The following ZNF891 variants were observed in gnomAD, a reference collection of about 807,000 sequenced individuals.
The protein encoded by ZNF891 is zinc finger protein 891, also known as hCG1646157.
For synonymous variants in ZNF891, 199 were observed against 209.0 expected, an observed-to-expected ratio of 0.95 and a Z score of 0.41; for missense variants, 589 against 632.7, an observed-to-expected ratio of 0.93 and a Z score of 0.74.
chr12:133,106,088 AAAC>A lies in ZNF891; in HGVS notation c.*14193_*14195del, dbSNP rs1566325777. The stretch of plus-strand genomic sequence containing the variant: ...ACATCAAAGAATTCACATAGGAAAG[AAAC>A]AATATATATGTAGGAAATGTGGTAA... On this transcript the variant is annotated 3_prime_UTR_variant, in exon 2 of 2. Transcript: ENST00000537226. 2.5e-6 allele frequency: 4 copies of A among 1,614,162 alleles called. No homozygotes were observed. The South Asian group carries it at 4.4e-5, about 18-fold the overall frequency.
chr12:133,126,125 T>G (rs963395345), intron 1 of ZNF891, among the ~76,000 whole-genome samples: 8 of 152,034 alleles, frequency 5.3e-5, no homozygotes, highest in African/African-American at 1.9e-4. Context: ...ACTCTATGGA[T>G]TTTTTTTAAT....
intron 1 of ZNF891, chr12:133,125,870 C>G (rs1261832596): frequency 1.0e-5 from 5 of 501,920 alleles, no homozygotes; most frequent in Non-Finnish European, 2.0e-5. Context: ...CTTGATCAGG[C>G]CTGATGGAGA....
In ZNF891 at chr12:133,117,645, A is replaced by G. The variant is rs1373568744; in HGVS notation, c.*2639T>C. On this transcript the variant is annotated 3_prime_UTR_variant, in exon 2 of 2. Transcript: ENST00000537226. ...TAAACCTCACCATACTACATTCATC[A>G]CATTAGAATTCAAACATGTTCTAGT... The G allele has an allele frequency of 6.6e-6, 1 of 152,222 alleles. No homozygotes were observed. Among genetic ancestry groups the G allele is most frequent in the Admixed American group, 6.5e-5 (1 of 15,278 alleles). 9.4% of individuals were successfully genotyped at this position (152,222 alleles called of 1,614,324 possible).
At position 133,110,124 on chromosome 12, in the gene ZNF891, TCAGA is replaced by T. The variant is rs1223218990; in HGVS notation, c.*10156_*10159del. ...GAATATTTATTTACTCTCAGGACCT[TCAGA>T]CAAAGTTTGTCAACTCTGATATAAA... On this transcript the variant is annotated 3_prime_UTR_variant, in exon 2 of 2. Coordinates refer to ENST00000537226, the MANE Select transcript of ZNF891 (RefSeq NM_001277291.2). The T allele has an allele frequency of 8.5e-5, 13 of 152,336 alleles. No homozygotes were observed. Among genetic ancestry groups the T allele is most frequent in the East Asian group, 5.8e-4 (3 of 5,194 alleles). The allele number at this position is 152,336 out of a possible 1,614,324, so 9.4% of individuals were successfully genotyped here. A position where few individuals can be genotyped will look rare whatever the true frequency, so the allele number is the denominator to read the frequency against.
At position 133,120,181 on chromosome 12, in the gene ZNF891, C is replaced by A; in HGVS notation, c.*103G>T. On this transcript the variant is annotated 3_prime_UTR_variant, in exon 2 of 2. Transcript: ENST00000537226. ...AGAAAATGTTATATTAAAAAAAGAG[C>A]CATTTGTAACCTTAAATCGTTCTTT... 1.1e-6 allele frequency: 1 copy of A among 876,866 alleles called. No individual in the cohort carries two copies. The highest frequency in any genetic ancestry group is 1.6e-6 in the Non-Finnish European group (1 of 612,662). The allele number at this position is 876,866 out of a possible 1,614,324, so 54.3% of individuals were successfully genotyped here. A position where few individuals can be genotyped will look rare whatever the true frequency, so the allele number is the denominator to read the frequency against.
Position 133,113,049 on chromosome 12 carries a change from ACT to A in ZNF891, c.*7233_*7234del, listed in dbSNP as rs1018167958. The A allele has an allele frequency of 1.3e-5, 2 of 148,442 alleles. No homozygotes were observed. The highest frequency in any genetic ancestry group is 5.0e-5 in the African/African-American group (2 of 40,126). 9.2% of individuals were successfully genotyped at this position (148,442 alleles called of 1,614,324 possible). ...ACTACAGCCTGGGCGACAGAGCAAG[ACT>A]CTGTCTCAAAAAATATATATATATA... On this transcript the variant is annotated 3_prime_UTR_variant, in exon 2 of 2. Transcript: ENST00000537226.
In ZNF891 at chr12:133,118,949, T is replaced by C. The variant is rs1566334218; in HGVS notation, c.*1335A>G. 1 of 152,162 alleles carries C rather than the reference T, an allele frequency of 6.6e-6. No homozygotes were observed. The allele number at this position is 152,162 out of a possible 1,614,324, so 9.4% of individuals were successfully genotyped here. ...AAAAATCAGTAAGAGCCAGGCATGG[T>C]AACTCATGCCTGGAATCCTAGCACT... is the stretch of plus-strand genomic sequence containing the variant. On this transcript the variant is annotated 3_prime_UTR_variant, in exon 2 of 2. Transcript: ENST00000537226.
rs1179729901 is a variant in ZNF891 at position 133,114,985 on chromosome 12, TA to T, written c.*5298del. On this transcript the variant is annotated 3_prime_UTR_variant, in exon 2 of 2. Coordinates refer to ENST00000537226, the MANE Select transcript of ZNF891 (RefSeq NM_001277291.2). ...ACAATATTATTGATTGCAGTATTGT[TA>T]TAAAAACTCTGGAGGCAAATGGATC... 2 of 152,304 alleles carry T rather than the reference TA, an allele frequency of 1.3e-5. No homozygotes were observed. The highest frequency in any genetic ancestry group is 3.9e-4 in the East Asian group (2 of 5,194). 9.4% of individuals were successfully genotyped at this position (152,304 alleles called of 1,614,324 possible). A position where few individuals can be genotyped will look rare whatever the true frequency, so the allele number is the denominator to read the frequency against.
chr12:133,128,195 A>G (rs1307976183), intron 1 of ZNF891, among the ~76,000 whole-genome samples: 4 of 152,230 alleles, frequency 2.6e-5, no homozygotes, highest in African/African-American at 9.6e-5. Context: ...AAATATTTCC[A>G]AGTGGTTGCC....
Position 133,120,574 on chromosome 12 carries a change from C to CT in ZNF891, c.1344dup (p.Val449SerfsTer3), listed in dbSNP as rs1566335304. The CT allele has an allele frequency of 1.9e-6, 3 of 1,559,322 alleles. No individual in the cohort carries two copies. The highest frequency in any genetic ancestry group is 1.9e-5 in the Admixed American group (1 of 51,888). ...TCTCCGGTATGAATTTTCTTATGAA[C>CT]TTTAAGGTGAGAGCTCGTGTTGAAG... is the stretch of plus-strand genomic sequence containing the variant. On this transcript the variant is annotated frameshift_variant, in exon 2 of 2. Transcript: ENST00000537226. LOFTEE classifies it low-confidence loss of function (END_TRUNC).
At position 133,117,687 on chromosome 12, in the gene ZNF891, A is replaced by G. The variant is rs1955723072; in HGVS notation, c.*2597T>C. On this transcript the variant is annotated 3_prime_UTR_variant, in exon 2 of 2. Coordinates refer to ENST00000537226, the MANE Select transcript of ZNF891 (RefSeq NM_001277291.2). ...TGTTCTAGTTTTTCATATTTTAAAC[A>G]TATTATCTCTTTACTCCAAATCTCT... is the stretch of plus-strand genomic sequence containing the variant. The G allele has an allele frequency of 6.6e-6, 1 of 152,212 alleles. No individual in the cohort carries two copies. The highest frequency in any genetic ancestry group is 2.1e-4 in the South Asian group (1 of 4,834). 9.4% of individuals were successfully genotyped at this position (152,212 alleles called of 1,614,324 possible). A position where few individuals can be genotyped will look rare whatever the true frequency, so the allele number is the denominator to read the frequency against.
intron 1 of ZNF891, among the ~76,000 whole-genome samples, chr12:133,124,284 G>A (rs1053147428): frequency 3.3e-5 from 5 of 151,784 alleles, no homozygotes; most frequent in African/African-American, 1.2e-4. Context: ...CTTTCTGTTT[G>A]GAAAAAAACA....
intron 1 of ZNF891, chr12:133,125,703 C>A: frequency 3.0e-6 from 1 of 329,300 alleles, no homozygotes; most frequent in Admixed American, 3.4e-5. Context: ...GACCACCATG[C>A]TATCATCAAA....
In ZNF891 at chr12:133,120,374, G is replaced by A; in HGVS notation, c.1545C>T (p.Pro515=). The A allele has an allele frequency of 6.3e-7, 1 of 1,592,010 alleles. No homozygotes were observed. The highest frequency in any genetic ancestry group is 8.5e-7 in the Non-Finnish European group (1 of 1,170,282). ...CTTTTCCACATTGAATACATTCATA[G>A]GGTTTCTCTCCAGTGTGAATTCTCA... ...RHVRIHTGEK[P]YECIQCGKAF... The change falls in exon 2 of 2, where the codon CCC becomes CCT. Residue 515 remains proline (P), a synonymous_variant. Coordinates refer to ENST00000537226, the MANE Select transcript of ZNF891 (RefSeq NM_001277291.2).
At chr12:133,129,700 T>G (rs923892292) in intron 1 of ZNF891, among the ~76,000 whole-genome samples, 10 of 152,032 alleles carry the variant, frequency 6.6e-5, no homozygotes, top group African/African-American at 2.4e-4. Flanking sequence ...GCAAGGATAG[T>G]ACACAAAAAG....
chr12:133,116,833 A>G lies in ZNF891; in HGVS notation c.*3451T>C, dbSNP rs1955717747. ...GTTCCCTGGGAAGGAAAAAACACCTACCTGACAACAATCACATCACAAGGG... is the reference window on the plus strand; with the variant it reads ...GTTCCCTGGGAAGGAAAAAACACCTGCCTGACAACAATCACATCACAAGGG... On this transcript the variant is annotated 3_prime_UTR_variant, in exon 2 of 2. Transcript: ENST00000537226. 1 of 152,244 alleles carries G rather than the reference A, an allele frequency of 6.6e-6. No individual in the cohort carries two copies. 9.4% of individuals were successfully genotyped at this position (152,244 alleles called of 1,614,324 possible).
In ZNF891 at chr12:133,120,835, T is replaced by G; in HGVS notation, c.1084A>C (p.Thr362Pro). 6 of 1,557,654 alleles carry G rather than the reference T, an allele frequency of 3.9e-6. No individual in the cohort carries two copies. The highest frequency in any genetic ancestry group is 1.9e-5 in the Admixed American group (1 of 52,158). The change falls in exon 2 of 2, where the codon ACC becomes CCC. Residue 362 changes from threonine (T) to proline (P), a missense_variant. By Grantham distance (38) the Thr-to-Pro change is conservative. Transcript: ENST00000537226. Reference protein sequence around the residue: ...ECGKVFNDSSTLRRHVRTHTG... With the variant: ...ECGKVFNDSSPLRRHVRTHTG... ...TGAGTTCTTACATGTCTCCTTAAGG[T>G]TGAGGAATCATTGAACACTTTACCA... is the stretch of plus-strand genomic sequence containing the variant.
Position 133,116,334 on chromosome 12 carries a change from G to T in ZNF891, c.*3950C>A. The T allele has an allele frequency of 6.6e-6, 1 of 152,362 alleles. No homozygotes were observed. Among genetic ancestry groups the T allele is most frequent in the Non-Finnish European group, 1.5e-5 (1 of 68,148 alleles). The allele number at this position is 152,362 out of a possible 1,614,324, so 9.4% of individuals were successfully genotyped here. On this transcript the variant is annotated 3_prime_UTR_variant, in exon 2 of 2. Coordinates refer to ENST00000537226, the MANE Select transcript of ZNF891 (RefSeq NM_001277291.2). ...TTAGCCAGGATGGTCTCAATCTCCT[G>T]ACCTCGTGATCCGCCTGCCTCGGCC...
In ZNF891 at chr12:133,109,624, G is replaced by A. The variant is rs1233679194; in HGVS notation, c.*10660C>T. ...AACTGCTAACCTCTTTTCATACTGA[G>A]CTAAAATATCCTTCAGAAATAAAGA... On this transcript the variant is annotated 3_prime_UTR_variant, in exon 2 of 2. Transcript: ENST00000537226. The A allele has an allele frequency of 6.6e-6, 1 of 152,100 alleles. No homozygotes were observed. The highest frequency in any genetic ancestry group is 1.5e-5 in the Non-Finnish European group (1 of 68,034). 9.4% of individuals were successfully genotyped at this position (152,100 alleles called of 1,614,324 possible). A position where few individuals can be genotyped will look rare whatever the true frequency, so the allele number is the denominator to read the frequency against.
Sources: gnomAD v4.1 joint callset for allele counts (sites outside exome capture counted in the v4.1 genomes callset) on GRCh38, gnomAD v4.1.1 for gene constraint, MANE v1.5 for transcripts, NCBI Gene and HGNC (gene_info 2026-07-23, HGNC 2026-07-21) for gene names.